SLC35F5: variants seen among roughly 807,000 people sequenced by gnomAD.
SLC35F5 encodes solute carrier family 35 member F5.
A neutral mutation model predicts 68.6 loss-of-function variants in SLC35F5; 54 were observed. The ratio of observed to expected loss-of-function variants is 0.79; its 90% CI spans 0.63 to 0.99. SLC35F5 has a LOEUF of 0.99. Among genes scored for constraint, SLC35F5 ranks in the 50% least tolerant of loss-of-function variants. The pLI, the probability that SLC35F5 is intolerant of heterozygous loss-of-function variation, is 0.00. For synonymous variants in SLC35F5, 211 were observed against 205.2 expected, an observed-to-expected ratio of 1.03 and a Z score of -0.24; for missense variants, 567 against 626.9, an observed-to-expected ratio of 0.90 and a Z score of 1.02.
Position 113,707,659 on chromosome 2 carries a change from A to C in SLC35F5, c.*7559T>G, listed in dbSNP as rs1461141154. Among the ~76,000 whole-genome samples the C allele has an allele frequency of 6.6e-6, 1 of 152,138 alleles. No individual in the cohort carries two copies. Among genetic ancestry groups the C allele is most frequent in the Non-Finnish European group, 1.5e-5 (1 of 68,016 alleles). On this transcript the variant is annotated 3_prime_UTR_variant, in exon 16 of 16. Coordinates refer to ENST00000245680, the MANE Select transcript of SLC35F5 (RefSeq NM_025181.5). ...ACTGCAACCTCTGCCTCTTGGGTTC[A>C]AGCGATTCTCCTACCTCAGCCTCAC... is the stretch of plus-strand genomic sequence containing the variant.
chr2:113,717,013 A>C (rs1393943837), intron 15 of SLC35F5, among the ~76,000 whole-genome samples: 1 of 152,212 alleles, frequency 6.6e-6, no homozygotes, highest in African/African-American at 2.4e-5. Flanking sequence ...ACTTCAATAT[A>C]AATTGCCTAA....
At chr2:113,725,588 C>T in intron 11 of SLC35F5, 51 bp from the exon 12 acceptor site, 1 of 1,470,040 alleles carries the variant, frequency 6.8e-7, no homozygotes, top group Non-Finnish European at 9.1e-7. Context: ...TTTCTATTTT[C>T]CAAGCTTATT....
intron 7 of SLC35F5, chr2:113,742,233 T>A (rs1451064199): frequency 6.4e-6 from 1 of 156,820 alleles, no homozygotes; most frequent in Non-Finnish European, 1.4e-5. Context: ...AGAAATATAC[T>A]GAGTACTTGA....
At chr2:113,735,322 G>A (rs553474829) in intron 8 of SLC35F5, among the ~76,000 whole-genome samples, 16 of 152,288 alleles carry the variant, frequency 1.1e-4, no homozygotes, top group Middle Eastern at 3.4e-3. Flanking sequence ...AATGTGTGTC[G>A]TTAGGCAATG....
intron 7 of SLC35F5, among the ~76,000 whole-genome samples, chr2:113,738,730 C>A (rs1688181840): frequency 6.7e-6 from 1 of 150,340 alleles, no homozygotes; most frequent in Non-Finnish European, 1.5e-5. Flanking sequence ...ATCATTAACT[C>A]CTTTTGATCT....
At chr2:113,743,861 T>C (rs1676381136) in intron 5 of SLC35F5, 67 bp from the exon 6 acceptor site, 21 of 1,320,590 alleles carry the variant, frequency 1.6e-5, no homozygotes, top group Non-Finnish European at 2.0e-5. Flanking sequence ...AAAATTTAAA[T>C]GGATAGTACG....
chr2:113,750,464 T>G lies in SLC35F5; in HGVS notation c.378A>C (p.Gln126His). The change falls in exon 4 of 16, where the codon CAA becomes CAC. Residue 126 changes from glutamine to histidine, a missense_variant. By Grantham distance (24) the Gln-to-His change is conservative (BLOSUM62 0). Transcript: ENST00000245680. ...TTCCGCGAAGTCCTCTTGTACACTG[T>G]TGTCTCCATGGCTTCCAAATAATAA... Reference protein sequence around the residue: ...LGFIIWKPWRQQCTRGLRGKH... With the variant: ...LGFIIWKPWRHQCTRGLRGKH... The G allele has an allele frequency of 6.2e-7, 1 of 1,613,070 alleles. No individual in the cohort carries two copies. Among genetic ancestry groups the G allele is most frequent in the African/African-American group, 1.3e-5 (1 of 75,000 alleles).
intron 7 of SLC35F5, chr2:113,742,232 C>T (rs1676304143): frequency 6.4e-6 from 1 of 155,792 alleles, no homozygotes; most frequent in African/African-American, 2.4e-5. Context: ...TAGAAATATA[C>T]TGAGTACTTG....
downstream of SLC35F5, chr2:113,703,690 T>C (rs190793305): frequency 6.6e-6 from 1 of 152,334 alleles, no homozygotes; most frequent in Non-Finnish European, 1.5e-5. Flanking sequence ...CAAAACTTAA[T>C]ACTTACTTTG....
In SLC35F5 at chr2:113,725,468, T is replaced by C; in HGVS notation, c.1160A>G (p.Glu387Gly). Reference protein sequence around the residue: ...GFFLLHYTGFEDFEFPNKVVL... With the variant: ...GFFLLHYTGFGDFEFPNKVVL... ...TACTTTATTGGGAAACTCGAAGTCC[T>C]CAAATCCAGTATAATGAAGTAAAAA... The change falls in exon 12 of 16, where the codon GAG becomes GGG. Residue 387 changes from glutamate (E) to glycine (G), a missense_variant. By Grantham distance (98) the Glu-to-Gly change is moderately conservative (BLOSUM62 -2). Coordinates refer to ENST00000245680, the MANE Select transcript of SLC35F5 (RefSeq NM_025181.5). 1 of 1,610,998 alleles carries C rather than the reference T, an allele frequency of 6.2e-7. No individual in the cohort carries two copies. The highest frequency in any genetic ancestry group is 8.5e-7 in the Non-Finnish European group (1 of 1,179,182).
chr2:113,742,892 A>G lies in SLC35F5; in HGVS notation c.563-13T>C, dbSNP rs766247569. ...GACTTTTTGGGGGCTTAAAAGGAAG[A>G]GCATAATATGAAATAATTAAATAAT... On this transcript the variant is annotated splice_polypyrimidine_tract_variant and intron_variant, in intron 6 of 15. Coordinates refer to ENST00000245680, the MANE Select transcript of SLC35F5 (RefSeq NM_025181.5). 4 of 1,599,940 alleles carry G rather than the reference A, an allele frequency of 2.5e-6. No individual in the cohort carries two copies. The Admixed American group carries it at 6.9e-5, about 28-fold the overall frequency.
intron 7 of SLC35F5, among the ~76,000 whole-genome samples, chr2:113,738,669 AAAC>A (rs1299769097): frequency 1.3e-5 from 2 of 151,976 alleles, no homozygotes; most frequent in African/African-American, 2.4e-5. Flanking sequence ...GAAAAAAAAA[AAAC>A]AACCTAGTAA....
chr2:113,736,962 T>C (rs1261391790), intron 7 of SLC35F5, among the ~76,000 whole-genome samples: 1 of 152,198 alleles, frequency 6.6e-6, no homozygotes, highest in Non-Finnish European at 1.5e-5. Context: ...TCTGAAACAA[T>C]GCTACTATGA....
chr2:113,704,365 C>G (rs191680729), downstream of SLC35F5, among the ~76,000 whole-genome samples: 16 of 152,334 alleles, frequency 1.1e-4, no homozygotes, highest in East Asian at 3.1e-3. Context: ...CTTCACCCAG[C>G]GGATCCCGCA....
At chr2:113,716,267 T>G (rs898090154) in intron 15 of SLC35F5, among the ~76,000 whole-genome samples, 1 of 152,110 alleles carries the variant, frequency 6.6e-6, no homozygotes, top group Non-Finnish European at 1.5e-5. Context: ...AGACAGACAC[T>G]CAGATGCCCT....
In SLC35F5 at chr2:113,725,528, C is replaced by A. The variant is rs1687625755; in HGVS notation, c.1100G>T (p.Gly367Val). The change falls in exon 12 of 16, where the codon GGT (glycine) becomes GTT (valine). Residue 367 changes from glycine to valine, a missense_variant. Transcript: ENST00000245680. ...LDIPMFFGFV[G>V]LFNLLLLWPG... ...CCATAAGAGCAGCAGATTAAACAAACCTACAAAACCTGAACATGTATAAAA... is the reference window on the plus strand; with the variant it reads ...CCATAAGAGCAGCAGATTAAACAAAACTACAAAACCTGAACATGTATAAAA... The A allele has an allele frequency of 6.3e-7, 1 of 1,576,926 alleles. No individual in the cohort carries two copies. Among genetic ancestry groups the A allele is most frequent in the Non-Finnish European group, 8.5e-7 (1 of 1,170,580 alleles).
rs1470295097 is a variant in SLC35F5, at chr2:113,708,680, T to G, written c.*6538A>C. On this transcript the variant is annotated 3_prime_UTR_variant, in exon 16 of 16. Coordinates refer to ENST00000245680, the MANE Select transcript of SLC35F5 (RefSeq NM_025181.5). ...GAGATCGTGCCACTGCACTTCAGCCTGGGCAATGGAGTGAGACTCTGTCTC... is the reference window on the plus strand; with the variant it reads ...GAGATCGTGCCACTGCACTTCAGCCGGGGCAATGGAGTGAGACTCTGTCTC... Among the ~76,000 whole-genome samples the G allele has an allele frequency of 6.6e-6, 1 of 152,148 alleles. No individual in the cohort carries two copies. The highest frequency in any genetic ancestry group is 1.9e-4 in the East Asian group (1 of 5,198).
chr2:113,718,538 T>A (rs1687265111), intron 14 of SLC35F5, among the ~76,000 whole-genome samples: 1 of 151,916 alleles, frequency 6.6e-6, no homozygotes. Context: ...GTGAATCATA[T>A]TTTTTTTAAA....
chr2:113,718,948 G>A (rs1466022619), intron 14 of SLC35F5, among the ~76,000 whole-genome samples: 2 of 149,474 alleles, frequency 1.3e-5, no homozygotes, highest in African/African-American at 2.5e-5. Flanking sequence ...AGAAAGGAAG[G>A]AAGGAAGAAA....
Sources: gnomAD v4.1 joint callset for allele counts (sites outside exome capture counted in the v4.1 genomes callset) on GRCh38, gnomAD v4.1.1 for gene constraint, MANE v1.5 for transcripts, NCBI Gene and HGNC (gene_info 2026-07-23, HGNC 2026-07-21) for gene names.